The following FPR2 variants were observed in gnomAD, a reference collection of about 807,000 sequenced individuals.
The protein encoded by FPR2 is N-formyl peptide receptor 2.
FPR2 carries 3 observed loss-of-function variants against 4.0 expected under a neutral mutation model. The observed-to-expected ratio is 0.74, with a 90% confidence interval of 0.34 to 1.92. The LOEUF is 1.92. FPR2 is among the 30% of genes most tolerant of loss of function. The pLI is 0.07. For synonymous variants in FPR2, 179 were observed against 171.5 expected (o/e 1.04, Z -0.34); for missense variants, 372 against 435.7 (o/e 0.85, Z 1.30).
chr19:51,764,901 A>C (rs1789492536), intron 1 of FPR2, among the ~76,000 whole-genome samples: 1 of 151,848 alleles, frequency 6.6e-6, no homozygotes, highest in Non-Finnish European at 1.5e-5. Flanking sequence ...ATCTTGGCTC[A>C]CTGCAACCTC....
At chr19:51,761,969 T>G (rs998789835) in intron 1 of FPR2, among the ~76,000 whole-genome samples, 11 of 151,828 alleles carry the variant, frequency 7.2e-5, no homozygotes, top group Non-Finnish European at 1.3e-4. Context: ...AGAGATGAGG[T>G]CTGAGGAATG....
rs1568646480 is a variant in FPR2, at chr19:51,769,844, T to C, written c.*130T>C. 1 of 759,920 alleles carries C rather than the reference T, an allele frequency of 1.3e-6. No individual in the cohort carries two copies. Among genetic ancestry groups the C allele is most frequent in the Non-Finnish European group, 2.1e-6 (1 of 466,684 alleles). The allele number at this position is 759,920 out of a possible 1,614,324, so 47.1% of individuals were successfully genotyped here. A position where few individuals can be genotyped will look rare whatever the true frequency, so the allele number is the denominator to read the frequency against. On this transcript the variant is annotated 3_prime_UTR_variant, in exon 2 of 2. Coordinates refer to ENST00000340023, the MANE Select transcript of FPR2 (RefSeq NM_001005738.2). This position sits in a 1 kb window ranked among gnomAD's most constrained non-coding sequence, Gnocchi z 4.4. ...AAGTATTTATTCAGGAAAAATGCTT[T>C]TGTGTCCCTGATTTGGGGCTAAGAA... is the stretch of plus-strand genomic sequence containing the variant.
At chr19:51,763,823 T>C (rs975583927) in intron 1 of FPR2, among the ~76,000 whole-genome samples, 7 of 152,308 alleles carry the variant, frequency 4.6e-5, no homozygotes, top group African/African-American at 1.7e-4. Context: ...AGTGGTGCGA[T>C]CTCAGCTCAC....
Position 51,768,871 on chromosome 19 carries a change from CTT to C in FPR2, c.216_217del (p.Ser73PhefsTer26), listed in dbSNP as rs1284802890. The C allele has an allele frequency of 6.2e-7, 1 of 1,614,164 alleles. No individual in the cohort carries two copies. ...GTTACCTGAACCTGGCCCTGGCTGA[CTT>C]TTCTTTCACGGCCACATTACCATTC... Reference protein sequence around the residue: ...ICYLNLALADFSFTATLPFLI... With the variant: ...ICYLNLALADXSFTATLPFLI... On this transcript the variant is annotated frameshift_variant, in exon 2 of 2. Coordinates refer to ENST00000340023, the MANE Select transcript of FPR2 (RefSeq NM_001005738.2). LOFTEE classifies it low-confidence loss of function (END_TRUNC).
At chr19:51,762,125 G>A (rs556462420) in intron 1 of FPR2, among the ~76,000 whole-genome samples, 160 of 138,172 alleles carry the variant, frequency 1.2e-3, no homozygotes, top group African/African-American at 4.1e-3. Context: ...TTGCTCTGTC[G>A]CCCAGGCTGA....
At chr19:51,762,188 C>T (rs370403781) in intron 1 of FPR2, among the ~76,000 whole-genome samples, 30 of 150,482 alleles carry the variant, frequency 2.0e-4, no homozygotes, top group East Asian at 1.4e-3. Flanking sequence ...CAGGGTCAAG[C>T]GATTCTCCTG....
In FPR2 at chr19:51,769,435, G is replaced by C. The variant is rs2122367674; in HGVS notation, c.777G>C (p.Leu259=). The change falls in exon 2 of 2, where the codon CTG becomes CTC. Residue 259 remains leucine (L), a synonymous_variant. Transcript: ENST00000340023. The surrounding 1 kb of genome is among the most constrained non-coding windows in gnomAD (Gnocchi z 4.4). Reference sequence around the variant, plus strand: ...TCATCTGTTGGTTTCCCTTTCAACTGGTTGCCCTTCTGGGCACCGTCTGGC... The same window carrying C: ...TCATCTGTTGGTTTCCCTTTCAACTCGTTGCCCTTCTGGGCACCGTCTGGC... ...SFFICWFPFQ[L]VALLGTVWLK... is the part of the protein sequence containing the mutation. 6.2e-7 allele frequency: 1 copy of C among 1,614,144 alleles called. No homozygotes were observed.
chr19:51,769,378 A>G lies in FPR2; in HGVS notation c.720A>G (p.Leu240=). Residue 240 remains leucine (L), a synonymous_variant, in exon 2 of 2, where the codon TTA becomes TTG. Transcript: ENST00000340023. The surrounding 1 kb of genome is among the most constrained non-coding windows in gnomAD (Gnocchi z 4.4). ...KKGMIKSSRP[L]RVLTAVVASF... ...GCATGATTAAATCCAGCCGTCCCTT[A>G]CGGGTCCTCACTGCTGTGGTGGCTT... 1 of 1,614,232 alleles carries G rather than the reference A, an allele frequency of 6.2e-7. No homozygotes were observed. The highest frequency in any genetic ancestry group is 8.5e-7 in the Non-Finnish European group (1 of 1,180,040).
chr19:51,769,800 A>G lies in FPR2; in HGVS notation c.*86A>G. 1 of 1,128,506 alleles carries G rather than the reference A, an allele frequency of 8.9e-7. No homozygotes were observed. Among genetic ancestry groups the G allele is most frequent in the Non-Finnish European group, 1.3e-6 (1 of 771,654 alleles). 69.9% of individuals were successfully genotyped at this position (1,128,506 alleles called of 1,614,324 possible). A position where few individuals can be genotyped will look rare whatever the true frequency, so the allele number is the denominator to read the frequency against. On this transcript the variant is annotated 3_prime_UTR_variant, in exon 2 of 2. Transcript: ENST00000340023. The surrounding 1 kb of genome is among the most constrained non-coding windows in gnomAD (Gnocchi z 4.4). ...ATCTACCCTTGAGTCATATTGAGGC[A>G]TTCAAGGATGCACAGCTCAAGTATT...
chr19:51,761,389 G>A (rs1255178945), intron 1 of FPR2, among the ~76,000 whole-genome samples, 159 bp downstream of exon 1: 1 of 152,124 alleles, frequency 6.6e-6, no homozygotes, highest in Non-Finnish European at 1.5e-5. Context: ...GTGCTTAAGT[G>A]TAAAATATAC....
Position 51,769,628 on chromosome 19 carries a change from GC to G in FPR2, c.973del (p.Leu325CysfsTer55), listed in dbSNP as rs1303030065. On this transcript the variant is annotated frameshift_variant, in exon 2 of 2. Transcript: ENST00000340023. LOFTEE classifies it high-confidence loss of function. This position sits in a 1 kb window ranked among gnomAD's most constrained non-coding sequence, Gnocchi z 4.4. The stretch of plus-strand genomic sequence containing the variant: ...CTCCCTGCCCACCAGTCTGGAGAGG[GC>G]CCTGTCTGAGGACTCAGCCCCAACT... ...IHSLPTSLER[A>X]LSEDSAPTND... 4 of 1,614,036 alleles carry G rather than the reference GC, an allele frequency of 2.5e-6. No homozygotes were observed. Among genetic ancestry groups the G allele is most frequent in the African/African-American group, 2.7e-5 (2 of 74,912 alleles).
chr19:51,767,399 CA>C (rs1301646039), intron 1 of FPR2, among the ~76,000 whole-genome samples: 1 of 151,580 alleles, frequency 6.6e-6, no homozygotes, highest in African/African-American at 2.4e-5. Flanking sequence ...AAAACAAAAA[CA>C]AAAAAACTTG....
intron 1 of FPR2, among the ~76,000 whole-genome samples, chr19:51,764,537 G>A (rs991403334): frequency 1.3e-5 from 2 of 152,116 alleles, no homozygotes; most frequent in Admixed American, 6.6e-5. Flanking sequence ...TGCAACCCTC[G>A]ATAATTGTGA....
chr19:51,761,265 T>A (rs1050109064), intron 1 of FPR2, 35 bp downstream of exon 1: 2 of 152,206 alleles, frequency 1.3e-5, no homozygotes, highest in African/African-American at 4.8e-5. Flanking sequence ...AATTTATCAA[T>A]GGAACTCCTG....
chr19:51,769,227 G>A lies in FPR2; in HGVS notation c.569G>A (p.Arg190Lys), dbSNP rs1218382862. The A allele has an allele frequency of 1.2e-6, 2 of 1,614,068 alleles. No homozygotes were observed. Among genetic ancestry groups the A allele is most frequent in the South Asian group, 1.1e-5 (1 of 91,084 alleles). The change falls in exon 2 of 2, where the codon AGG (arginine) becomes AAG (lysine). Residue 190 changes from arginine (R) to lysine (K), a missense_variant. Physicochemically the swap from Arg to Lys is conservative, Grantham distance 26 (BLOSUM62 2). Transcript: ENST00000340023. The surrounding 1 kb of genome is among the most constrained non-coding windows in gnomAD (Gnocchi z 4.4). The part of the protein sequence containing the change: ...FASWGGTPEE[R>K]LKVAITMLTA... ...TCCTGGGGTGGCACCCCTGAGGAGA[G>A]GCTGAAGGTGGCCATTACCATGCTG...
chr19:51,769,678 T>C lies in FPR2; in HGVS notation c.1020T>C (p.Ala340=). The C allele has an allele frequency of 1.2e-6, 2 of 1,614,152 alleles. No individual in the cohort carries two copies. The highest frequency in any genetic ancestry group is 1.7e-6 in the Non-Finnish European group (2 of 1,180,030). ...CTAATGACACGGCTGCCAATTCTGC[T>C]TCACCTCCTGCAGAGACTGAGTTAC... is the stretch of plus-strand genomic sequence containing the variant. The part of the protein sequence containing the change: ...APTNDTAANS[A]SPPAETELQA... The change falls in exon 2 of 2, where the codon GCT becomes GCC. Residue 340 remains alanine, a synonymous_variant. Transcript: ENST00000340023. The surrounding 1 kb of genome is among the most constrained non-coding windows in gnomAD (Gnocchi z 4.4).
In FPR2 at chr19:51,769,449, G is replaced by A. The variant is rs983300636; in HGVS notation, c.791G>A (p.Gly264Asp). The A allele has an allele frequency of 6.2e-7, 1 of 1,614,162 alleles. No homozygotes were observed. The highest frequency in any genetic ancestry group is 1.3e-5 in the African/African-American group (1 of 75,036). ...WFPFQLVALL[G>D]TVWLKEMLFY... The stretch of plus-strand genomic sequence containing the variant: ...CCCTTTCAACTGGTTGCCCTTCTGG[G>A]CACCGTCTGGCTCAAAGAGATGTTG... Residue 264 changes from glycine to aspartate, a missense_variant, in exon 2 of 2, where the codon GGC (glycine) becomes GAC (aspartate). Coordinates refer to ENST00000340023, the MANE Select transcript of FPR2 (RefSeq NM_001005738.2). This position sits in a 1 kb window ranked among gnomAD's most constrained non-coding sequence, Gnocchi z 4.4.
intron 1 of FPR2, chr19:51,762,956 C>T (rs1298781119): frequency 6.6e-6 from 1 of 152,164 alleles, no homozygotes; most frequent in African/African-American, 2.4e-5. Flanking sequence ...GTTTTAACAA[C>T]TGAATGTTTA....
chr19:51,765,153 A>G (rs2122357433), intron 1 of FPR2, among the ~76,000 whole-genome samples: 1 of 152,296 alleles, frequency 6.6e-6, no homozygotes, highest in Middle Eastern at 3.4e-3. Flanking sequence ...AATGAATTTG[A>G]AATTATGGAT....
Sources: allele counts gnomAD v4.1 joint callset (sites outside exome capture counted in the v4.1 genomes callset), GRCh38; gene constraint gnomAD v4.1.1; non-coding constraint Gnocchi (gnomAD v3.1); transcripts MANE v1.5; gene names NCBI Gene and HGNC (gene_info 2026-07-23, HGNC 2026-07-21).